The following FHOD3 variants were observed in gnomAD, a reference collection of about 807,000 sequenced individuals.
FHOD3 encodes formin homology 2 domain containing 3.
Under a neutral mutation model 173.0 loss-of-function variants are expected in FHOD3, and 90 were observed. The ratio of observed to expected loss-of-function variants is 0.52; its 90% CI spans 0.44 to 0.62. The LOEUF (loss-of-function observed/expected upper bound fraction) is 0.62, where lower values mean the gene tolerates loss of function less well. FHOD3 is among the 20% of genes least tolerant of loss of function. FHOD3 has a pLI of 0.00. For missense variants in FHOD3, 1,945 were observed against 2,034.7 expected, an observed-to-expected ratio of 0.96 and a Z score of 0.85; for synonymous variants, 828 against 823.0, an observed-to-expected ratio of 1.01 and a Z score of -0.10.
intron 14 of FHOD3, among the ~76,000 whole-genome samples, chr18:36,661,122 G>A (rs1196580531): frequency 1.1e-4 from 16 of 144,536 alleles, no homozygotes; most frequent in African/African-American, 3.5e-4. Context: ...GTAAGTGGGG[G>A]AAAAAAAAAA....
intron 1 of FHOD3, among the ~76,000 whole-genome samples, chr18:36,313,255 T>C (rs1236453189): frequency 1.3e-5 from 2 of 152,244 alleles, no homozygotes; most frequent in Non-Finnish European, 2.9e-5. Context: ...ATCATTGTTT[T>C]ATGGAAGAAT....
At chr18:36,525,908 T>C (rs1416479425) in intron 5 of FHOD3, among the ~76,000 whole-genome samples, 1 of 152,222 alleles carries the variant, frequency 6.6e-6, no homozygotes, top group Admixed American at 6.5e-5. Flanking sequence ...GAAAATTTGG[T>C]GTTTCCTAAT....
At chr18:36,707,804 G>A (rs2039965451) in intron 17 of FHOD3, among the ~76,000 whole-genome samples, 1 of 152,136 alleles carries the variant, frequency 6.6e-6, no homozygotes, top group Admixed American at 6.5e-5. Context: ...ATCTGGGCAG[G>A]TCCCTTCCAG....
At chr18:36,454,339 GAGCGCACACAGA>G (rs1013250177) in intron 3 of FHOD3, among the ~76,000 whole-genome samples, 13 of 152,060 alleles carry the variant, frequency 8.5e-5, no homozygotes, top group African/African-American at 3.1e-4. Flanking sequence ...GTGCACACAT[GAGCGCACACAGA>G]AGCACACACA....
intron 24 of FHOD3, among the ~76,000 whole-genome samples, chr18:36,749,598 T>A (rs1438182984): frequency 6.6e-6 from 1 of 152,220 alleles, no homozygotes; most frequent in Non-Finnish European, 1.5e-5. Flanking sequence ...TTGAGGTTGA[T>A]TTCATGTCTT....
chr18:36,562,984 G>A lies in FHOD3; in HGVS notation c.512-13467G>A, dbSNP rs75072036. ...CCTGTCAGTCAGGGCCTGGGATGCCGGCCATCATGTAATCGCAGGACACAG... is the reference window on the plus strand; with the variant it reads ...CCTGTCAGTCAGGGCCTGGGATGCCAGCCATCATGTAATCGCAGGACACAG... On this transcript the variant is annotated intron_variant, in intron 5 of 28. Coordinates refer to ENST00000590592, the MANE Select transcript of FHOD3 (RefSeq NM_001281740.3). Among the ~76,000 whole-genome samples, 1,094 of 152,246 alleles carry A rather than the reference G, an allele frequency of 7.2e-3. 18 individuals are homozygous for A. The highest frequency in any genetic ancestry group is 0.025 in the African/African-American group (1,036 of 41,536).
intron 3 of FHOD3, among the ~76,000 whole-genome samples, chr18:36,478,475 C>T (rs1280576632): frequency 6.7e-6 from 1 of 150,020 alleles, no homozygotes; most frequent in African/African-American, 2.5e-5. Context: ...CTATAGTCCC[C>T]TTGTTGTGCT....
chr18:36,457,213 A>G (rs1024131278), intron 3 of FHOD3, among the ~76,000 whole-genome samples: 1 of 152,162 alleles, frequency 6.6e-6, no homozygotes, highest in Non-Finnish European at 1.5e-5. Context: ...GTGCCCACTC[A>G]GAAGACTTCA....
intron 3 of FHOD3, among the ~76,000 whole-genome samples, chr18:36,489,665 C>T (rs1283254318): frequency 1.3e-5 from 2 of 152,004 alleles, no homozygotes; most frequent in African/African-American, 4.8e-5. Flanking sequence ...GAGTGAGACC[C>T]TGTCTCAAAA....
At chr18:36,553,121 T>G (rs2057729396) in intron 5 of FHOD3, among the ~76,000 whole-genome samples, 1 of 152,186 alleles carries the variant, frequency 6.6e-6, no homozygotes, top group Non-Finnish European at 1.5e-5. Flanking sequence ...TGGATTACAT[T>G]TATTGATTTG....
intron 1 of FHOD3, among the ~76,000 whole-genome samples, chr18:36,342,686 A>G (rs1181911407): frequency 6.6e-6 from 1 of 152,246 alleles, no homozygotes; most frequent in Non-Finnish European, 1.5e-5. Context: ...GTACTTTATC[A>G]AAGTTAAAAA....
chr18:36,705,246 C>A (rs182254228), intron 17 of FHOD3, among the ~76,000 whole-genome samples: 1 of 152,362 alleles, frequency 6.6e-6, no homozygotes, highest in Non-Finnish European at 1.5e-5. Context: ...CAAACCTCCT[C>A]TCACTCCTCC....
intron 14 of FHOD3, among the ~76,000 whole-genome samples, chr18:36,668,005 GGCT>G (rs999210335): frequency 1.3e-5 from 2 of 152,094 alleles, no homozygotes; most frequent in Non-Finnish European, 2.9e-5. Flanking sequence ...CTTCCACAAT[GGCT>G]GTACATGAGT....
Position 36,355,682 on chromosome 18 carries a change from C to T in FHOD3, c.272+37C>T, listed in dbSNP as rs368042021. 4 of 1,555,336 alleles carry T rather than the reference C, an allele frequency of 2.6e-6. No individual in the cohort carries two copies. The African/African-American group carries it at 5.4e-5, about 21-fold the overall frequency. On this transcript the variant is annotated intron_variant, in intron 2 of 28. Coordinates refer to ENST00000590592, the MANE Select transcript of FHOD3 (RefSeq NM_001281740.3). ...TGTTCACCCTGCTGACTGGTCCCCA[C>T]CTACCAGGAAATGGGGGTACATTGA...
intron 1 of FHOD3, among the ~76,000 whole-genome samples, chr18:36,317,158 A>G (rs535985209): frequency 6.6e-6 from 1 of 152,218 alleles, no homozygotes; most frequent in Non-Finnish European, 1.5e-5. Flanking sequence ...AGTCTTTGCT[A>G]TTGTGAATAG....
chr18:36,711,120 A>C (rs971317235), intron 18 of FHOD3: 2 of 152,002 alleles, frequency 1.3e-5, no homozygotes, highest in Non-Finnish European at 1.5e-5. Flanking sequence ...CTTTGCAATG[A>C]TTTTTCTGCT....
chr18:36,534,209 C>T (rs1033948813), intron 5 of FHOD3, among the ~76,000 whole-genome samples: 7 of 152,254 alleles, frequency 4.6e-5, no homozygotes, highest in African/African-American at 1.2e-4. Context: ...CCTGCTGCTG[C>T]TTCTCCTATG....
chr18:36,511,357 G>GTTTTTTTTTTT (rs760692797), intron 4 of FHOD3, among the ~76,000 whole-genome samples: 1 of 143,604 alleles, frequency 7.0e-6, no homozygotes, highest in Non-Finnish European at 1.5e-5. Context: ...TCTTGCCAAT[G>GTTTTTTTTTTT]TTTTTTTTTT....
intron 3 of FHOD3, among the ~76,000 whole-genome samples, chr18:36,402,981 C>T (rs2048895893): frequency 6.6e-6 from 1 of 152,216 alleles, no homozygotes; most frequent in South Asian, 2.1e-4. Context: ...TAGGAAAGTT[C>T]TCCTTGGTTA....
Sources: allele counts gnomAD v4.1 joint callset (sites outside exome capture counted in the v4.1 genomes callset), GRCh38; gene constraint gnomAD v4.1.1; transcripts MANE v1.5; gene names NCBI Gene and HGNC (gene_info 2026-07-23, HGNC 2026-07-21).